The following RC3H1 variants were observed in gnomAD, a reference collection of about 807,000 sequenced individuals.
RC3H1 encodes ring finger and CCCH-type domains 1.
In RC3H1, 50 loss-of-function variants were observed where a neutral mutation model predicts 138.2. The observed-to-expected ratio is 0.36, with a 90% confidence interval of 0.29 to 0.46. The LOEUF is 0.46. Among genes scored for constraint, RC3H1 ranks in the 20% least tolerant of loss-of-function variants. RC3H1 has a pLI of 1.00. For synonymous variants in RC3H1, 462 were observed against 489.1 expected, an observed-to-expected ratio of 0.94 and a Z score of 0.73; for missense variants, 1,031 against 1,388.1, an observed-to-expected ratio of 0.74 and a Z score of 4.09.
chr1:173,968,147 G>A (rs74126481), intron 9 of RC3H1, among the ~76,000 whole-genome samples: 43 of 152,054 alleles, frequency 2.8e-4, no homozygotes, highest in African/African-American at 8.9e-4. Context: ...CTATTCCTAC[G>A]CAAAAGACTA....
Position 173,938,698 on chromosome 1 carries a change from A to AC in RC3H1, c.*22_*23insG. The AC allele has an allele frequency of 1.9e-6, 3 of 1,563,132 alleles. No individual in the cohort carries two copies. Among genetic ancestry groups the AC allele is most frequent in the Non-Finnish European group, 2.6e-6 (3 of 1,150,186 alleles). On this transcript the variant is annotated 3_prime_UTR_variant, in exon 20 of 20. Transcript: ENST00000367696. ...CCGACAAACTGATTAGGAGCAGAAGATAAAAGTAGGACTCCTCATATTTTA... is the reference window on the plus strand; with the variant it reads ...CCGACAAACTGATTAGGAGCAGAAGACTAAAAGTAGGACTCCTCATATTTTA...
At chr1:173,958,491 A>T (rs962432871) in intron 13 of RC3H1, among the ~76,000 whole-genome samples, 1 of 152,078 alleles carries the variant, frequency 6.6e-6, no homozygotes, top group Admixed American at 6.6e-5. Context: ...GGTTGCAGTG[A>T]GCCGAGATCG....
chr1:173,955,649 A>C (rs1423972329), intron 13 of RC3H1, among the ~76,000 whole-genome samples: 1 of 152,050 alleles, frequency 6.6e-6, no homozygotes, highest in Non-Finnish European at 1.5e-5. Context: ...GATAAACACT[A>C]TGTCAACAAT....
At chr1:173,954,432 A>C (rs1262738108) in intron 13 of RC3H1, among the ~76,000 whole-genome samples, 1 of 151,920 alleles carries the variant, frequency 6.6e-6, no homozygotes, top group African/African-American at 2.4e-5. Flanking sequence ...GAATGGGGGG[A>C]GGGAAGGGGA....
intron 19 of RC3H1, among the ~76,000 whole-genome samples, chr1:173,940,106 A>T (rs1658781603): frequency 6.6e-6 from 1 of 152,164 alleles, no homozygotes; most frequent in Non-Finnish European, 1.5e-5. Flanking sequence ...GGATAGACTG[A>T]ATTAAAAACC....
At chr1:173,953,267 C>T (rs1659495729) in intron 13 of RC3H1, among the ~76,000 whole-genome samples, 1 of 152,098 alleles carries the variant, frequency 6.6e-6, no homozygotes, top group African/African-American at 2.4e-5. Context: ...ACATGACCTA[C>T]CAATTACAGT....
chr1:173,972,655 C>A, intron 7 of RC3H1, 28 bp from the exon 8 acceptor site: 1 of 1,462,808 alleles, frequency 6.8e-7, no homozygotes, highest in Non-Finnish European at 9.6e-7. Flanking sequence ...ATGTTTTAAA[C>A]TCTAATGTTA....
rs1209819661 is a variant in RC3H1, at chr1:173,980,255, GAAAAAAA to G, written c.969+547_969+553del. Among the ~76,000 whole-genome samples, 7 of 76,134 alleles carry G rather than the reference GAAAAAAA, an allele frequency of 9.2e-5. No homozygotes were observed. The East Asian group carries it at 1.3e-3, about 15-fold the overall frequency. 49.9% of individuals were successfully genotyped at this position (76,134 alleles called of 152,430 possible). ...CAAGGAATTCTATCTTTAGAAATAG[GAAAAAAA>G]AAAAAAAAAAAAAGGTGGGGGGGAA... On this transcript the variant is annotated intron_variant, in intron 6 of 19. Coordinates refer to ENST00000367696, the MANE Select transcript of RC3H1 (RefSeq NM_172071.4).
At position 173,936,761 on chromosome 1, in the gene RC3H1, ATTTTTTTT is replaced by A. The variant is rs746086742; in HGVS notation, c.*1952_*1959del. ...TATATATATATATATATATATATAT[ATTTTTTTT>A]TTTTTTTTTAAAAAAAGAAGACAAA... On this transcript the variant is annotated 3_prime_UTR_variant, in exon 20 of 20. Coordinates refer to ENST00000367696, the MANE Select transcript of RC3H1 (RefSeq NM_172071.4). The A allele has an allele frequency of 2.7e-4, 5 of 18,552 alleles. No individual in the cohort carries two copies. Among genetic ancestry groups the A allele is most frequent in the African/African-American group, 2.6e-3 (5 of 1,952 alleles). 1.1% of individuals were successfully genotyped at this position (18,552 alleles called of 1,614,324 possible).
At chr1:174,010,660 T>C (rs1464552329) in intron 1 of RC3H1, among the ~76,000 whole-genome samples, 2 of 128,330 alleles carry the variant, frequency 1.6e-5, no homozygotes, top group African/African-American at 8.0e-5. Flanking sequence ...GCGATCCTCC[T>C]GCCTCGGCCT....
intron 1 of RC3H1, among the ~76,000 whole-genome samples, chr1:173,995,992 G>A (rs1480739085): frequency 1.3e-5 from 2 of 152,194 alleles, no homozygotes; most frequent in Non-Finnish European, 2.9e-5. Flanking sequence ...GGCGGCTCAC[G>A]CCTGTAATCC....
chr1:173,980,157 C>T (rs1414117388), intron 6 of RC3H1, among the ~76,000 whole-genome samples: 7 of 150,162 alleles, frequency 4.7e-5, no homozygotes, highest in African/African-American at 1.7e-4. Flanking sequence ...AGATTACAGG[C>T]ATCAGCCACT....
rs1435351287 is a variant in RC3H1 at position 173,938,756 on chromosome 1, G to A, written c.3367C>T (p.Gln1123Ter). The change falls in exon 20 of 20, where the codon CAG (glutamine) becomes TAG (stop). Residue 1123 changes from glutamine (Q) to a stop codon, truncating the protein, a stop_gained. Coordinates refer to ENST00000367696, the MANE Select transcript of RC3H1 (RefSeq NM_172071.4). LOFTEE classifies it high-confidence loss of function. ...GAACTGGGAGTAACTCCTGATCTCT[G>A]GGAGTCATTATTATCCCCTCCTCCC... is the stretch of plus-strand genomic sequence containing the variant. ...PEGGGDNNDS[Q>*]RSGVTPSSAP 1 of 1,612,784 alleles carries A rather than the reference G, an allele frequency of 6.2e-7. No individual in the cohort carries two copies. The highest frequency in any genetic ancestry group is 8.5e-7 in the Non-Finnish European group (1 of 1,179,104).
chr1:173,959,985 G>A (rs1659798911), intron 13 of RC3H1, among the ~76,000 whole-genome samples: 1 of 151,052 alleles, frequency 6.6e-6, no homozygotes, highest in African/African-American at 2.4e-5. Flanking sequence ...GTGCGTGCCT[G>A]TAATCTCAGT....
In RC3H1 at chr1:173,978,417, G is replaced by T. The variant is rs182600843; in HGVS notation, c.1102+71C>A. 7 of 1,514,936 alleles carry T rather than the reference G, an allele frequency of 4.6e-6. No homozygotes were observed. In the Admixed American group the frequency reaches 7.9e-5, roughly 17 times the overall value. 93.8% of individuals were successfully genotyped at this position (1,514,936 alleles called of 1,614,324 possible). ...GGGAAACCCTAGAGGAACAACAAAA[G>T]ATAATTAAAGAATCATTGAGCAGCA... On this transcript the variant is annotated intron_variant, in intron 7 of 19. Coordinates refer to ENST00000367696, the MANE Select transcript of RC3H1 (RefSeq NM_172071.4).
chr1:173,979,741 G>A (rs996617204), intron 6 of RC3H1, among the ~76,000 whole-genome samples: 14 of 152,300 alleles, frequency 9.2e-5, no homozygotes, highest in South Asian at 2.1e-4. Context: ...AGCGTTAAGC[G>A]TTTCCGTAAA....
chr1:173,968,521 C>A (rs13353023), intron 9 of RC3H1, among the ~76,000 whole-genome samples: 2,237 of 152,096 alleles, frequency 0.015, 61 homozygotes, highest in African/African-American at 0.052. Flanking sequence ...TTAGTTTACA[C>A]GAGGGCAATT....
At chr1:174,011,676 C>A (rs1169578232) in intron 1 of RC3H1, among the ~76,000 whole-genome samples, 1 of 151,928 alleles carries the variant, frequency 6.6e-6, no homozygotes, top group Non-Finnish European at 1.5e-5. Context: ...AAAAGAAAAT[C>A]AAGAGACTGA....
intron 1 of RC3H1, among the ~76,000 whole-genome samples, chr1:173,997,214 G>C (rs115793488): frequency 1.0e-3 from 158 of 152,176 alleles, no homozygotes; most frequent in African/African-American, 3.7e-3. Flanking sequence ...AACGGAGCGA[G>C]ACCTGTCTAA....
Sources: gnomAD v4.1 joint callset for allele counts (sites outside exome capture counted in the v4.1 genomes callset) on GRCh38, gnomAD v4.1.1 for gene constraint, MANE v1.5 for transcripts, NCBI Gene and HGNC (gene_info 2026-07-23, HGNC 2026-07-21) for gene names.